The following WDPCP variants were observed in gnomAD, a reference collection of about 807,000 sequenced individuals.
WDPCP encodes WD repeat-containing and planar cell polarity effector protein fritz homolog.
A neutral mutation model predicts 93.1 loss-of-function variants in WDPCP; 71 were observed. The observed-to-expected ratio is 0.76, with a 90% CI of 0.63 to 0.93. WDPCP has a LOEUF of 0.93. WDPCP is among the 40% of genes least tolerant of loss of function. The pLI is 0.00. For missense variants in WDPCP, 844 were observed against 887.4 expected (o/e 0.95, Z 0.62); for synonymous variants, 315 against 315.0 (o/e 1.00, Z 0.00).
chr2:63,531,443 G>T (rs1703838801), intron 1 of WDPCP, among the ~76,000 whole-genome samples: 1 of 152,292 alleles, frequency 6.6e-6, no homozygotes, highest in Middle Eastern at 3.4e-3. Context: ...TCCCAGTAGG[G>T]CTGACAGACA....
intron 2 of WDPCP, among the ~76,000 whole-genome samples, chr2:63,656,636 T>C (rs1007941907): frequency 6.6e-6 from 1 of 152,218 alleles, no homozygotes; most frequent in African/African-American, 2.4e-5. Context: ...CTTGAGCAAC[T>C]AAAACAGCAT....
At chr2:63,217,425 A>C (rs888637248) in intron 14 of WDPCP, among the ~76,000 whole-genome samples, 1 of 152,152 alleles carries the variant, frequency 6.6e-6, no homozygotes, top group African/African-American at 2.4e-5. Context: ...ATATTTCATT[A>C]ATCTGGAAAA....
chr2:63,170,508 G>C (rs1394554677), intron 15 of WDPCP, among the ~76,000 whole-genome samples: 4 of 151,814 alleles, frequency 2.6e-5, no homozygotes, highest in Admixed American at 6.6e-5. Flanking sequence ...CCTGACCTCA[G>C]GTGATCCGCC....
chr2:63,373,354 A>G (rs913151511), intron 12 of WDPCP, among the ~76,000 whole-genome samples: 3 of 151,250 alleles, frequency 2.0e-5, no homozygotes, highest in East Asian at 3.9e-4. Context: ...GGCTCAAGCA[A>G]TCCTCCCATC....
chr2:63,760,205 C>T (rs914671382), intron 2 of WDPCP, among the ~76,000 whole-genome samples: 1 of 152,198 alleles, frequency 6.6e-6, no homozygotes, highest in South Asian at 2.1e-4. Context: ...GAATATTAAA[C>T]CCCAAGCATA....
At chr2:63,707,002 A>T (rs1441391806) in intron 2 of WDPCP, among the ~76,000 whole-genome samples, 9 of 152,148 alleles carry the variant, frequency 5.9e-5, no homozygotes, top group Non-Finnish European at 1.5e-5. Context: ...ATCAGTTGTT[A>T]GTCTGATGGG....
chr2:63,523,028 C>G (rs1314901257), intron 1 of WDPCP, among the ~76,000 whole-genome samples: 2 of 152,168 alleles, frequency 1.3e-5, no homozygotes, highest in Non-Finnish European at 2.9e-5. Context: ...AGGCCAATAT[C>G]CTTGATGAAC....
chr2:63,356,087 A>G (rs977187716), intron 12 of WDPCP, among the ~76,000 whole-genome samples: 1 of 152,198 alleles, frequency 6.6e-6, no homozygotes, highest in Non-Finnish European at 1.5e-5. Flanking sequence ...AGGAAAATCT[A>G]CCAAACAAAT....
At chr2:63,566,265 G>A (rs1175558098) in intron 1 of WDPCP, among the ~76,000 whole-genome samples, 2 of 152,214 alleles carry the variant, frequency 1.3e-5, no homozygotes, top group Non-Finnish European at 2.9e-5. Flanking sequence ...TCTGCTCACT[G>A]AGATAGATGG....
intron 12 of WDPCP, chr2:63,378,164 T>C (rs758089231): frequency 2.5e-5 from 14 of 569,190 alleles, no homozygotes; most frequent in Non-Finnish European, 4.0e-5. Flanking sequence ...GGAAGGTATA[T>C]TAAAAAGTAT....
chr2:63,569,956 G>A (rs1177316941), intron 1 of WDPCP, among the ~76,000 whole-genome samples: 2 of 152,134 alleles, frequency 1.3e-5, no homozygotes, highest in Non-Finnish European at 2.9e-5. Context: ...ACAAAAGACA[G>A]CTCAAGAAAA....
At chr2:63,474,331 G>A (rs2105841758) in intron 6 of WDPCP, among the ~76,000 whole-genome samples, 1 of 152,074 alleles carries the variant, frequency 6.6e-6, no homozygotes, top group South Asian at 2.1e-4. Flanking sequence ...TGGAATCAAA[G>A]TATACATAAA....
At chr2:63,493,976 AT>A (rs1701051962) in intron 1 of WDPCP, among the ~76,000 whole-genome samples, 1 of 152,190 alleles carries the variant, frequency 6.6e-6, no homozygotes, top group African/African-American at 2.4e-5. Flanking sequence ...GACTAAAAAT[AT>A]TTCCCATAGT....
chr2:63,745,658 AC>A (rs1558900486), intron 2 of WDPCP, among the ~76,000 whole-genome samples: 1 of 152,046 alleles, frequency 6.6e-6, no homozygotes, highest in Non-Finnish European at 1.5e-5. Flanking sequence ...ACACACACAC[AC>A]ACACACACAC....
intron 12 of WDPCP, among the ~76,000 whole-genome samples, chr2:63,375,472 C>A (rs1691767817): frequency 6.6e-6 from 1 of 151,856 alleles, no homozygotes; most frequent in African/African-American, 2.4e-5. Flanking sequence ...GTTTTCCTAT[C>A]TTTAACGTTA....
chr2:63,828,394 A>G (rs1671143788), upstream of WDPCP, among the ~76,000 whole-genome samples: 1 of 152,064 alleles, frequency 6.6e-6, no homozygotes, highest in African/African-American at 2.4e-5. Context: ...CTGCTTTTTA[A>G]ATAAAACTTA....
At chr2:63,496,661 G>C (rs1343057053) in intron 1 of WDPCP, among the ~76,000 whole-genome samples, 1 of 152,152 alleles carries the variant, frequency 6.6e-6, no homozygotes, top group East Asian at 1.9e-4. Context: ...GGAGGACTGA[G>C]AAAAATGTAC....
chr2:63,459,067 A>G (rs1022188105), intron 6 of WDPCP, among the ~76,000 whole-genome samples: 1 of 152,184 alleles, frequency 6.6e-6, no homozygotes, highest in Non-Finnish European at 1.5e-5. Context: ...AATATACAGA[A>G]GTCAACTCAA....
chr2:63,537,605 A>G (rs1270936496), intron 1 of WDPCP, among the ~76,000 whole-genome samples: 5 of 152,142 alleles, frequency 3.3e-5, no homozygotes, highest in Non-Finnish European at 7.3e-5. Context: ...CATATCATTT[A>G]ATCTGAAATG....
Sources: allele counts gnomAD v4.1 joint callset (sites outside exome capture counted in the v4.1 genomes callset), GRCh38; gene constraint gnomAD v4.1.1; transcripts MANE v1.5; gene names NCBI Gene and HGNC (gene_info 2026-07-23, HGNC 2026-07-21).